TBC1D5: variants seen among roughly 807,000 people sequenced by gnomAD.
TBC1D5 encodes the protein TBC1 domain family member 5.
Under a neutral mutation model 100.3 loss-of-function variants are expected in TBC1D5, and 75 were observed. The observed-to-expected ratio is 0.75, with a 90% CI of 0.62 to 0.91. The LOEUF is 0.91. Among genes scored for constraint, TBC1D5 ranks in the 40% least tolerant of loss-of-function variants. The pLI is 0.00. For synonymous variants in TBC1D5, 323 were observed against 325.6 expected (o/e 0.99, Z 0.09); for missense variants, 910 against 942.4 (o/e 0.97, Z 0.45).
intron 15 of TBC1D5, among the ~76,000 whole-genome samples, chr3:17,258,997 G>T (rs890179033): frequency 1.2e-4 from 18 of 152,272 alleles, no homozygotes; most frequent in African/African-American, 4.3e-4. Flanking sequence ...AAAGTCATTA[G>T]TTTTTTATGA....
chr3:17,382,853 C>T (rs926161825), intron 9 of TBC1D5, among the ~76,000 whole-genome samples: 11 of 152,060 alleles, frequency 7.2e-5, no homozygotes, highest in African/African-American at 2.7e-4. Context: ...TAAGCCACTG[C>T]ACCTGGCCTA....
chr3:17,542,076 C>T (rs1412451410), intron 2 of TBC1D5, among the ~76,000 whole-genome samples: 4 of 152,052 alleles, frequency 2.6e-5, no homozygotes, highest in African/African-American at 9.7e-5. Flanking sequence ...CTGCTTGAGC[C>T]CAGGAGTTCA....
At chr3:17,311,651 G>C (rs1280433219) in intron 13 of TBC1D5, among the ~76,000 whole-genome samples, 1 of 152,050 alleles carries the variant, frequency 6.6e-6, no homozygotes, top group Non-Finnish European at 1.5e-5. Context: ...CTTGGCTGTA[G>C]TGGGTTATAT....
chr3:17,607,842 G>A (rs1295352364), intron 2 of TBC1D5, among the ~76,000 whole-genome samples: 1 of 152,066 alleles, frequency 6.6e-6, no homozygotes, highest in Non-Finnish European at 1.5e-5. Flanking sequence ...CCCATTAGGA[G>A]CAAAACTACA....
At chr3:17,701,648 TAA>T (rs2073218981) in intron 1 of TBC1D5, among the ~76,000 whole-genome samples, 1 of 151,340 alleles carries the variant, frequency 6.6e-6, no homozygotes. Context: ...ACAAAGAATA[TAA>T]AAGAGAGGAT....
chr3:17,454,553 G>A (rs1179069316), intron 3 of TBC1D5, among the ~76,000 whole-genome samples: 8 of 151,972 alleles, frequency 5.3e-5, no homozygotes, highest in East Asian at 1.9e-4. Flanking sequence ...TCCGCCTCCC[G>A]GGTTCACGCC....
intron 3 of TBC1D5, among the ~76,000 whole-genome samples, chr3:17,474,498 C>T (rs1416627477): frequency 6.7e-6 from 1 of 149,532 alleles, no homozygotes; most frequent in Non-Finnish European, 1.5e-5. Flanking sequence ...AAGAAGGAAT[C>T]AATTCTCTAT....
intron 1 of TBC1D5, among the ~76,000 whole-genome samples, chr3:17,640,355 A>G (rs1437559117): frequency 2.0e-5 from 3 of 152,176 alleles, no homozygotes; most frequent in African/African-American, 7.2e-5. Context: ...TAACTTTATT[A>G]AAACTAAATA....
chr3:17,181,622 A>G (rs2068463238), intron 19 of TBC1D5, among the ~76,000 whole-genome samples: 2 of 152,106 alleles, frequency 1.3e-5, no homozygotes, highest in Admixed American at 1.3e-4. Context: ...ACACCACTTC[A>G]CCACCCTTAC....
At chr3:17,505,025 G>A (rs1317267931) in intron 3 of TBC1D5, among the ~76,000 whole-genome samples, 4 of 152,128 alleles carry the variant, frequency 2.6e-5, no homozygotes, top group Non-Finnish European at 4.4e-5. Flanking sequence ...GAAGCAAAAC[G>A]GAGTTGGCAG....
At chr3:17,568,754 T>C (rs1003683169) in intron 2 of TBC1D5, among the ~76,000 whole-genome samples, 10 of 151,674 alleles carry the variant, frequency 6.6e-5, no homozygotes, top group African/African-American at 2.4e-4. Flanking sequence ...TAACATTATA[T>C]ATTGCCTATT....
chr3:17,214,131 T>C, intron 18 of TBC1D5, 76 bp downstream of exon 19: 1 of 1,469,098 alleles, frequency 6.8e-7, no homozygotes, highest in Non-Finnish European at 9.1e-7. Context: ...AACTGGGCAC[T>C]AACAGAGCTT....
intron 8 of TBC1D5, among the ~76,000 whole-genome samples, chr3:17,400,367 A>G (rs567938748): frequency 2.0e-5 from 3 of 152,304 alleles, no homozygotes; most frequent in Admixed American, 6.5e-5. Flanking sequence ...ATAAAGATGT[A>G]AACTAAATTT....
intron 2 of TBC1D5, among the ~76,000 whole-genome samples, chr3:17,562,409 A>G (rs2096564980): frequency 6.6e-6 from 1 of 152,070 alleles, no homozygotes; most frequent in Non-Finnish European, 1.5e-5. Context: ...AAATTTTAAA[A>G]GGAAGACAAA....
At position 17,531,142 on chromosome 3, in the gene TBC1D5, G is replaced by C. The variant is rs1255165318; in HGVS notation, c.-35-22537C>G. 2.6e-5 allele frequency among the ~76,000 whole-genome samples: 4 copies of C among 152,278 alleles called. No homozygotes were observed. In the East Asian group the frequency reaches 5.8e-4, roughly 22 times the overall value. ...ATAAGCAACTTCAGGGAAGTCTCAG[G>C]ATACAAAATCAATGTGCAAAAAGCA... On this transcript the variant is annotated intron_variant, in intron 2 of 21. Transcript: ENST00000253692.
At chr3:17,733,453 T>C (rs1175140166) in intron 1 of TBC1D5, among the ~76,000 whole-genome samples, 3 of 152,082 alleles carry the variant, frequency 2.0e-5, no homozygotes, top group Admixed American at 2.0e-4. Context: ...AGAAAAAATC[T>C]TCAAGTTCTA....
At chr3:17,439,001 T>A (rs898268980) in intron 3 of TBC1D5, among the ~76,000 whole-genome samples, 23 of 152,110 alleles carry the variant, frequency 1.5e-4, no homozygotes, top group African/African-American at 5.3e-4. Flanking sequence ...AGGTCCTATT[T>A]CACTGTCTTT....
chr3:17,681,366 T>C (rs1320356386), intron 1 of TBC1D5, among the ~76,000 whole-genome samples: 1 of 151,706 alleles, frequency 6.6e-6, no homozygotes, highest in Non-Finnish European at 1.5e-5. Flanking sequence ...TAACAAGTCA[T>C]GTATGTTCTA....
At chr3:17,397,563 G>A (rs2093541121) in intron 8 of TBC1D5, among the ~76,000 whole-genome samples, 1 of 152,092 alleles carries the variant, frequency 6.6e-6, no homozygotes, top group Non-Finnish European at 1.5e-5. Flanking sequence ...GTTTTCTGTG[G>A]AGACGGTTTT....
Sources: gnomAD v4.1 joint callset for allele counts (sites outside exome capture counted in the v4.1 genomes callset) on GRCh38, gnomAD v4.1.1 for gene constraint, MANE v1.5 for transcripts, NCBI Gene and HGNC (gene_info 2026-07-23, HGNC 2026-07-21) for gene names.